The following MBD5 variants were observed in gnomAD, a reference collection of about 807,000 sequenced individuals.
MBD5 encodes the protein methyl-CpG binding domain protein 5, also known as methyl-CpG-binding domain protein 5.
MBD5 carries 13 observed loss-of-function variants against 117.3 expected under a neutral mutation model. The ratio of observed to expected loss-of-function variants is 0.11; its 90% CI spans 0.07 to 0.18. MBD5 has a LOEUF of 0.18. Among genes scored for constraint, MBD5 ranks in the 10% least tolerant of loss-of-function variants. The pLI is 1.00. For missense variants in MBD5, 1,879 were observed against 2,093.8 expected (o/e 0.90, Z 2.00); for synonymous variants, 727 against 766.4 (o/e 0.95, Z 0.85).
chr2:148,367,129 T>C (rs1330884406), intron 4 of MBD5, among the ~76,000 whole-genome samples: 1 of 151,984 alleles, frequency 6.6e-6, no homozygotes, highest in African/African-American at 2.4e-5. Context: ...TCAAAACAGA[T>C]ATATAGACCA....
chr2:148,278,254 T>G lies in MBD5; in HGVS notation c.-680+44859T>G, dbSNP rs529339462. Among the ~76,000 whole-genome samples the G allele has an allele frequency of 8.2e-4, 125 of 152,338 alleles. 1 individual carries two copies. Among genetic ancestry groups the G allele is most frequent in the African/African-American group, 2.9e-3 (120 of 41,580 alleles). ...GCTGGTTTATATGACTCTGATTGTT[T>G]GGCACTTATTTGGGCTTATTTTTGA... On this transcript the variant is annotated intron_variant, in intron 3 of 13. Transcript: ENST00000642680.
intron 4 of MBD5, among the ~76,000 whole-genome samples, chr2:148,413,820 CTG>C (rs1445591286): frequency 1.3e-5 from 2 of 150,390 alleles, no homozygotes; most frequent in South Asian, 2.1e-4. Flanking sequence ...GTAATGTCCT[CTG>C]TGTCATTTCT....
rs550447575 is a variant in MBD5 at position 148,444,249 on chromosome 2, A to C, written c.-556-13954A>C. Among the ~76,000 whole-genome samples the C allele has an allele frequency of 2.0e-5, 3 of 151,482 alleles. No individual in the cohort carries two copies. The East Asian group carries it at 5.8e-4, about 29-fold the overall frequency. On this transcript the variant is annotated intron_variant, in intron 4 of 13. Transcript: ENST00000642680. ...CAGTGGTTTTAAACTGCTTTATCTA[A>C]GGCTAATACTTTCTCGCCCGTGTGT...
At chr2:148,140,457 TGTAAAG>T (rs1697286117) in intron 1 of MBD5, among the ~76,000 whole-genome samples, 1 of 152,332 alleles carries the variant, frequency 6.6e-6, no homozygotes, top group East Asian at 1.9e-4. Context: ...TGCCATCCCA[TGTAAAG>T]GTAGTTAACT....
At chr2:148,296,075 TTCA>T (rs1234516461) in intron 3 of MBD5, 1 of 175,916 alleles carries the variant, frequency 5.7e-6, no homozygotes, top group African/African-American at 2.4e-5. Flanking sequence ...CTTTAAAATC[TTCA>T]TCTTTGCTCT....
intron 2 of MBD5, among the ~76,000 whole-genome samples, chr2:148,183,794 C>T (rs993651399): frequency 3.3e-5 from 5 of 152,082 alleles, no homozygotes; most frequent in African/African-American, 4.8e-5. Flanking sequence ...AAACTGTCTT[C>T]TGAGGTCTTG....
chr2:148,386,604 A>G (rs979998516), intron 4 of MBD5, among the ~76,000 whole-genome samples: 3 of 149,706 alleles, frequency 2.0e-5, no homozygotes, highest in African/African-American at 4.9e-5. Context: ...CTGTAGTCCC[A>G]GCTACTTGGG....
At chr2:148,208,201 C>T (rs1699333126) in intron 2 of MBD5, among the ~76,000 whole-genome samples, 1 of 152,124 alleles carries the variant, frequency 6.6e-6, no homozygotes, top group Admixed American at 6.6e-5. Flanking sequence ...TAAGGACACT[C>T]TACCTTGTGT....
At chr2:148,126,973 CTTTCT>C (rs1696912385) in intron 1 of MBD5, among the ~76,000 whole-genome samples, 1 of 134,918 alleles carries the variant, frequency 7.4e-6, no homozygotes, top group Non-Finnish European at 1.6e-5. Flanking sequence ...AGCTTTTTTT[CTTTCT>C]TTTTTTTTTT....
At chr2:148,456,443 G>T (rs550199799) in intron 4 of MBD5, among the ~76,000 whole-genome samples, 1 of 152,142 alleles carries the variant, frequency 6.6e-6, no homozygotes, top group East Asian at 1.9e-4. Flanking sequence ...TACGGATTTG[G>T]GGGGGACACA....
intron 4 of MBD5, among the ~76,000 whole-genome samples, chr2:148,411,863 T>C (rs912298701): frequency 5.3e-5 from 8 of 152,150 alleles, no homozygotes; most frequent in African/African-American, 1.9e-4. Context: ...GTCACATTTC[T>C]CACTTTTTTG....
Position 148,469,058 on chromosome 2 carries a change from A to G in MBD5, c.1115A>G (p.Asn372Ser). The change falls in exon 8 of 14, where the codon AAC becomes AGC. Residue 372 changes from asparagine to serine, a missense_variant. Asn to Ser is a conservative substitution (Grantham distance 46). Coordinates refer to ENST00000642680, the MANE Select transcript of MBD5 (RefSeq NM_001378120.1). Reference sequence around the variant, plus strand: ...ATTCCTAGTAAACCAGTGAATCAGAACCCTGTTATCATTAATCCAACCAGT... The same window carrying G: ...ATTCCTAGTAAACCAGTGAATCAGAGCCCTGTTATCATTAATCCAACCAGT... Reference protein sequence around the residue: ...DPIPSKPVNQNPVIINPTSFH... With the variant: ...DPIPSKPVNQSPVIINPTSFH... 6.2e-7 allele frequency: 1 copy of G among 1,614,036 alleles called. No individual in the cohort carries two copies. Among genetic ancestry groups the G allele is most frequent in the Admixed American group, 1.7e-5 (1 of 60,002 alleles).
intron 1 of MBD5, chr2:148,026,827 A>G (rs1028796801): frequency 1.3e-5 from 2 of 152,372 alleles, no homozygotes; most frequent in African/African-American, 2.4e-5. Flanking sequence ...GAGGCTGGAG[A>G]GGATCTCTTG....
chr2:148,186,131 T>C (rs1390935646), intron 2 of MBD5, among the ~76,000 whole-genome samples: 1 of 152,218 alleles, frequency 6.6e-6, no homozygotes, highest in African/African-American at 2.4e-5. Flanking sequence ...GTGTCACCAC[T>C]CAGATCTCAT....
intron 1 of MBD5, chr2:148,027,817 C>T (rs910468783): frequency 2.8e-4 from 43 of 152,178 alleles, no homozygotes; most frequent in African/African-American, 1.0e-3. Flanking sequence ...AAGAAATATT[C>T]TTTATCATCT....
chr2:148,339,769 T>G lies in MBD5; in HGVS notation c.-679-2445T>G, dbSNP rs75588080. 3.9e-3 allele frequency among the ~76,000 whole-genome samples: 594 copies of G among 152,250 alleles called. 22 individuals carry two copies. The highest frequency in any genetic ancestry group is 0.035 in the Admixed American group (539 of 15,272). On this transcript the variant is annotated intron_variant, in intron 3 of 13. Transcript: ENST00000642680. ...ACAAAAAATAAATAAATAAATAAATTTATTGTCTATCCTCAATAAAAATAT... is the reference window on the plus strand; with the variant it reads ...ACAAAAAATAAATAAATAAATAAATGTATTGTCTATCCTCAATAAAAATAT...
intron 4 of MBD5, among the ~76,000 whole-genome samples, chr2:148,355,893 C>A (rs1315501592): frequency 6.6e-6 from 1 of 152,140 alleles, no homozygotes; most frequent in East Asian, 1.9e-4. Context: ...AGCATTGAAT[C>A]TATAAAGTAC....
At chr2:148,169,707 A>T (rs1010701833) in intron 1 of MBD5, among the ~76,000 whole-genome samples, 7 of 152,170 alleles carry the variant, frequency 4.6e-5, no homozygotes, top group Non-Finnish European at 1.0e-4. Flanking sequence ...TAGCCTGGTT[A>T]TTACGAACTT....
At chr2:148,163,443 C>T (rs527451972) in intron 1 of MBD5, among the ~76,000 whole-genome samples, 6 of 151,426 alleles carry the variant, frequency 4.0e-5, no homozygotes, top group East Asian at 1.9e-4. Flanking sequence ...TTTTTCAAGA[C>T]GGAGTTTCGC....
Sources: allele counts gnomAD v4.1 joint callset (sites outside exome capture counted in the v4.1 genomes callset), GRCh38; gene constraint gnomAD v4.1.1; transcripts MANE v1.5; gene names NCBI Gene and HGNC (gene_info 2026-07-23, HGNC 2026-07-21).